Variants in ESPNL observed in about 807,000 individuals in gnomAD.
ESPNL encodes espin like, also known as espin-like protein.
ESPNL carries 49 observed loss-of-function variants against 46.8 expected under a neutral mutation model. The ratio of observed to expected loss-of-function variants is 1.05; its 90% CI spans 0.83 to 1.33. The LOEUF is 1.33. Ranked by LOEUF, ESPNL falls within the 40% of genes most tolerant of loss-of-function variation. The pLI is 0.00. For missense variants in ESPNL, 1,540 were observed against 1,436.6 expected (o/e 1.07, Z -1.16); for synonymous variants, 664 against 662.1 (o/e 1.00, Z -0.04).
At position 238,130,440 on chromosome 2, in the gene ESPNL, T is replaced by A. The variant is rs770223925; in HGVS notation, c.1726T>A (p.Ser576Thr). 45 of 1,605,186 alleles carry A rather than the reference T, an allele frequency of 2.8e-5. No homozygotes were observed. Among genetic ancestry groups the A allele is most frequent in the Non-Finnish European group, 3.7e-5 (43 of 1,176,860 alleles). The change falls in exon 9 of 9, where the codon TCT becomes ACT. Residue 576 changes from serine (S) to threonine (T), a missense_variant. By Grantham distance (58) the Ser-to-Thr change is moderately conservative (BLOSUM62 1). Transcript: ENST00000343063. Reference sequence around the variant, plus strand: ...AATCCCAGCGGCTGAGCCCGCAGGGTCTGCGGAGGCCTCAGAGGTGGCCCC... The same window carrying A: ...AATCCCAGCGGCTGAGCCCGCAGGGACTGCGGAGGCCTCAGAGGTGGCCCC... ...ASIPAAEPAG[S>T]AEASEVAPGV... is the part of the protein sequence containing the mutation.
chr2:238,120,960 C>T (rs888378651), intron 5 of ESPNL, among the ~76,000 whole-genome samples: 1 of 152,242 alleles, frequency 6.6e-6, no homozygotes, highest in African/African-American at 2.4e-5. Flanking sequence ...CTCGTGCATT[C>T]CAAGAGCAGC....
intron 4 of ESPNL, among the ~76,000 whole-genome samples, chr2:238,110,069 C>T (rs55780332): frequency 1.1e-4 from 14 of 124,066 alleles, no homozygotes; most frequent in Admixed American, 2.5e-4. Flanking sequence ...TAGGATGCCA[C>T]ACGTTACCGA....
At chr2:238,116,854 C>T (rs763262359) in intron 4 of ESPNL, 49 bp from the exon 5 acceptor site, 120 of 1,599,290 alleles carry the variant, frequency 7.5e-5, no homozygotes, top group Non-Finnish European at 1.0e-4. Context: ...GTCCCATGGG[C>T]ACCTGGTTTG....
Position 238,132,411 on chromosome 2 carries a change from G to C in ESPNL, c.*679G>C, listed in dbSNP as rs548978925. ...CAGCCTGACCAGCCCTGGCCTAGTC[G>C]TGGGCCCCAGCAAGGCTGGAGAGCA... On this transcript the variant is annotated 3_prime_UTR_variant, in exon 9 of 9. Transcript: ENST00000343063. 1.3e-5 allele frequency: 2 copies of C among 152,410 alleles called. No homozygotes were observed. The highest frequency in any genetic ancestry group is 4.8e-5 in the African/African-American group (2 of 41,472). 9.4% of individuals were successfully genotyped at this position (152,410 alleles called of 1,614,324 possible).
At chr2:238,121,808 AC>A (rs2106474396) in intron 5 of ESPNL, among the ~76,000 whole-genome samples, 1 of 152,348 alleles carries the variant, frequency 6.6e-6, no homozygotes, top group Admixed American at 6.5e-5. Context: ...CCAGAAAGGT[AC>A]TAAGACATCT....
In ESPNL at chr2:238,130,115, T is replaced by G; in HGVS notation, c.1414-13T>G. The G allele has an allele frequency of 6.2e-7, 1 of 1,600,538 alleles. No individual in the cohort carries two copies. Among genetic ancestry groups the G allele is most frequent in the Non-Finnish European group, 8.5e-7 (1 of 1,171,202 alleles). ...TGGGCTCACCCTGCTCACCCTGCCC[T>G]TCCTGTGCCCAGGACAATGGTGGGA... On this transcript the variant is annotated splice_polypyrimidine_tract_variant and intron_variant, in intron 8 of 8. Transcript: ENST00000343063.
chr2:238,124,138 G>A lies in ESPNL; in HGVS notation c.988-1132G>A, dbSNP rs184880480. 1.4e-3 allele frequency among the ~76,000 whole-genome samples: 219 copies of A among 152,334 alleles called. 1 individual carries two copies. Among genetic ancestry groups the A allele is most frequent in the Admixed American group, 1.0e-2 (153 of 15,308 alleles). ...CAGCATGGGTCCCTCCCCCTCCCAC[G>A]ACGGGCCCTGGGCCCAGGCCACATG... is the stretch of plus-strand genomic sequence containing the variant. On this transcript the variant is annotated intron_variant, in intron 5 of 8. Transcript: ENST00000343063.
intron 5 of ESPNL, among the ~76,000 whole-genome samples, chr2:238,117,476 ATG>A (rs1691842674): frequency 2.7e-5 from 1 of 36,664 alleles, no homozygotes; most frequent in South Asian, 1.1e-3. Flanking sequence ...CTCGTGGGTG[ATG>A]TGGGTGATGT....
In ESPNL at chr2:238,116,979, CG is replaced by C. The variant is rs763460613; in HGVS notation, c.934del (p.Glu312SerfsTer22). 5.1e-5 allele frequency: 82 copies of C among 1,612,364 alleles called. No individual in the cohort carries two copies. The highest frequency in any genetic ancestry group is 6.8e-5 in the Non-Finnish European group (80 of 1,179,762). ...GATGGTTACACGGCGGCAGACCTGG[CG>C]GAGTACCATGGACACCGGGACTGCG... ...DEDGYTAADL[A>X]EYHGHRDCAQ... On this transcript the variant is annotated frameshift_variant, in exon 5 of 9. Coordinates refer to ENST00000343063, the MANE Select transcript of ESPNL (RefSeq NM_194312.4). LOFTEE classifies it high-confidence loss of function.
rs1360857385 is a variant in ESPNL, at chr2:238,107,840, C to T, written c.722C>T (p.Thr241Met). The T allele has an allele frequency of 1.2e-5, 19 of 1,607,218 alleles. No individual in the cohort carries two copies. Among genetic ancestry groups the T allele is most frequent in the African/African-American group, 1.3e-5 (1 of 74,812 alleles). Residue 241 changes from threonine to methionine, a missense_variant, in exon 4 of 9, where the codon ACG (threonine) becomes ATG (methionine). Transcript: ENST00000343063. ...ACGGCACGGGACAATGAGGGGGCCA[C>T]GGCCCTGCACTTTGCAGCCCGAGGC... is the stretch of plus-strand genomic sequence containing the variant. ...GLTARDNEGA[T>M]ALHFAARGGH...
intron 6 of ESPNL, chr2:238,127,413 T>G: frequency 7.5e-7 from 1 of 1,325,272 alleles, no homozygotes; most frequent in Non-Finnish European, 9.6e-7. Context: ...GGCTCTCCCA[T>G]CGACCAGGCG....
At chr2:238,107,225 G>A (rs576718268) in intron 3 of ESPNL, among the ~76,000 whole-genome samples, 18 of 152,332 alleles carry the variant, frequency 1.2e-4, no homozygotes, top group Admixed American at 7.2e-4. Flanking sequence ...CCACAGCAGG[G>A]GCCCTTCAGA....
chr2:238,127,102 CTG>C (rs1692153772), intron 6 of ESPNL, among the ~76,000 whole-genome samples: 1 of 91,632 alleles, frequency 1.1e-5, no homozygotes, highest in African/African-American at 5.8e-5. Flanking sequence ...GTGTCTGTGT[CTG>C]TATGTGATGT....
intron 5 of ESPNL, among the ~76,000 whole-genome samples, chr2:238,118,608 GT>G (rs1691883992): frequency 9.8e-6 from 1 of 101,630 alleles, no homozygotes; most frequent in African/African-American, 3.4e-5. Flanking sequence ...ATGGAAGAGG[GT>G]GGATGGAGGA....
rs1692276664 is a variant in ESPNL at position 238,130,396 on chromosome 2, T to A, written c.1682T>A (p.Leu561Gln). The A allele has an allele frequency of 6.2e-7, 1 of 1,610,690 alleles. No individual in the cohort carries two copies. Among genetic ancestry groups the A allele is most frequent in the African/African-American group, 1.3e-5 (1 of 74,882 alleles). ...CACTTCCTGCCCCGGGCGCCCGGAC[T>A]GGAGGTTGAGGAGGCCTCAATCCCA... Reference protein sequence around the residue: ...NSHFLPRAPGLEVEEASIPAA... With the variant: ...NSHFLPRAPGQEVEEASIPAA... Residue 561 changes from leucine to glutamine, a missense_variant, in exon 9 of 9, where the codon CTG becomes CAG. Physicochemically the swap from Leu to Gln is moderately radical, Grantham distance 113. Transcript: ENST00000343063.
In ESPNL at chr2:238,102,132, G is replaced by T. The variant is rs1298973746; in HGVS notation, c.485+1G>T. 2.0e-6 allele frequency: 3 copies of T among 1,533,228 alleles called. No individual in the cohort carries two copies. Among genetic ancestry groups the T allele is most frequent in the East Asian group, 2.4e-5 (1 of 40,838 alleles). 95.0% of individuals were successfully genotyped at this position (1,533,228 alleles called of 1,614,324 possible). A position where few individuals can be genotyped will look rare whatever the true frequency, so the allele number is the denominator to read the frequency against. Reference sequence around the variant, plus strand: ...AGCTCCTGACAGCCGCGCATGGCAGGTAAGGAGCCCAAAGTCCCGCCTGGG... The same window carrying T: ...AGCTCCTGACAGCCGCGCATGGCAGTTAAGGAGCCCAAAGTCCCGCCTGGG... On this transcript the variant is annotated splice_donor_variant, in intron 2 of 8. Transcript: ENST00000343063. LOFTEE classifies it high-confidence loss of function.
chr2:238,108,864 C>T (rs368993555), intron 4 of ESPNL, among the ~76,000 whole-genome samples: 1 of 152,082 alleles, frequency 6.6e-6, no homozygotes, highest in East Asian at 1.9e-4. Flanking sequence ...ACGGTGCAGC[C>T]GCAGAGCCAT....
At chr2:238,126,380 TTG>T (rs200580948) in intron 6 of ESPNL, among the ~76,000 whole-genome samples, 23 of 146,472 alleles carry the variant, frequency 1.6e-4, no homozygotes, top group Admixed American at 6.0e-4. Context: ...GTCTTTGTGA[TTG>T]TGTGTCTCTG....
intron 5 of ESPNL, among the ~76,000 whole-genome samples, chr2:238,119,034 G>A (rs1270923065): frequency 4.0e-4 from 59 of 146,222 alleles, no homozygotes; most frequent in Non-Finnish European, 8.1e-4. Context: ...ATGGAGGAGG[G>A]TGAATGGAGG....
Sources: allele counts gnomAD v4.1 joint callset (sites outside exome capture counted in the v4.1 genomes callset), GRCh38; gene constraint gnomAD v4.1.1; transcripts MANE v1.5; gene names NCBI Gene and HGNC (gene_info 2026-07-23, HGNC 2026-07-21).